TGFBI: variants seen among roughly 807,000 people sequenced by gnomAD.
TGFBI encodes the protein transforming growth factor-beta-induced protein ig-h3.
In TGFBI, 50 loss-of-function variants were observed where a neutral mutation model predicts 73.7. The observed-to-expected ratio is 0.68, with a 90% CI of 0.54 to 0.86. The LOEUF is 0.86. TGFBI is among the 40% of genes least tolerant of loss of function. The pLI, the probability that TGFBI is intolerant of heterozygous loss-of-function variation, is 0.00. For missense variants in TGFBI, 839 were observed against 877.0 expected (o/e 0.96, Z 0.55); for synonymous variants, 362 against 360.5 (o/e 1.00, Z -0.05).
chr5:136,029,831 G>T (rs966695573), intron 1 of TGFBI, among the ~76,000 whole-genome samples: 8 of 152,340 alleles, frequency 5.3e-5, no homozygotes, highest in African/African-American at 1.7e-4. Flanking sequence ...TGAGTCCTGA[G>T]TGGTTCCACT....
In TGFBI at chr5:136,052,954, A is replaced by T; in HGVS notation, c.961A>T (p.Ile321Phe). 6.2e-7 allele frequency: 1 copy of T among 1,614,022 alleles called. No homozygotes were observed. The highest frequency in any genetic ancestry group is 1.1e-5 in the South Asian group (1 of 91,074). The change falls in exon 8 of 17, where the codon ATC (isoleucine) becomes TTC (phenylalanine). Residue 321 changes from isoleucine to phenylalanine, a missense_variant. Physicochemically the swap from Ile to Phe is conservative, Grantham distance 21. Coordinates refer to ENST00000442011, the MANE Select transcript of TGFBI (RefSeq NM_000358.3). ...ILKSAMCAEAIVAGLSVETLE... is the reference protein window; with the variant it reads ...ILKSAMCAEAFVAGLSVETLE... ...GAAGTCAGCTATGTGTGCTGAAGCC[A>T]TCGTTGCGGGGCTGTCTGTAGAGAC...
At chr5:136,043,945 C>A in intron 2 of TGFBI, 113 bp from the exon 3 acceptor site, 1 of 829,788 alleles carries the variant, frequency 1.2e-6, no homozygotes, top group South Asian at 1.5e-5. Context: ...GAGAGTGTTT[C>A]ACCCACCATT....
At chr5:136,037,763 CT>C (rs1444270287) in intron 2 of TGFBI, among the ~76,000 whole-genome samples, 3 of 152,210 alleles carry the variant, frequency 2.0e-5, no homozygotes, top group African/African-American at 7.2e-5. Context: ...ATTAATACTC[CT>C]TCAGCACTGC....
At chr5:136,040,620 T>C (rs1751312956) in intron 2 of TGFBI, among the ~76,000 whole-genome samples, 1 of 152,254 alleles carries the variant, frequency 6.6e-6, no homozygotes, top group Non-Finnish European at 1.5e-5. Flanking sequence ...TGGGGACCGC[T>C]GTCCTAAGGG....
rs372357157 is a variant in TGFBI, at chr5:136,047,257, G to C, written c.625-17G>C. Reference sequence around the variant, plus strand: ...TCTGTTGTGTTGACTGCTCATCCTTGCTGCTTCTCTGGGCAGATTGTAACT... The same window carrying C: ...TCTGTTGTGTTGACTGCTCATCCTTCCTGCTTCTCTGGGCAGATTGTAACT... On this transcript the variant is annotated splice_polypyrimidine_tract_variant and intron_variant, in intron 5 of 16. Coordinates refer to ENST00000442011, the MANE Select transcript of TGFBI (RefSeq NM_000358.3). 71 of 1,612,802 alleles carry C rather than the reference G, an allele frequency of 4.4e-5. No homozygotes were observed. The highest frequency in any genetic ancestry group is 5.8e-5 in the Non-Finnish European group (68 of 1,179,286).
In TGFBI at chr5:136,054,763, CA is replaced by C; in HGVS notation, c.1313del (p.His438ProfsTer2). On this transcript the variant is annotated frameshift_variant, in exon 10 of 17. Transcript: ENST00000442011. LOFTEE classifies it high-confidence loss of function. The stretch of plus-strand genomic sequence containing the variant: ...CCATACAAGGAATTTGCTTCGGAAC[CA>C]CATAATTAAAGACCAGCTGGCCTCT... The part of the protein sequence containing the change: ...DAHTRNLLRN[H>X]IIKDQLASKY... The C allele has an allele frequency of 1.2e-6, 2 of 1,613,918 alleles. No homozygotes were observed. The highest frequency in any genetic ancestry group is 1.7e-6 in the Non-Finnish European group (2 of 1,179,870).
At chr5:136,052,857 G>A (rs766186501) in intron 7 of TGFBI, 50 bp from the exon 8 acceptor site, 2 of 1,575,366 alleles carry the variant, frequency 1.3e-6, no homozygotes, top group Admixed American at 1.7e-5. Context: ...TGGTCCCTGA[G>A]GTTATCGTGG....
rs1751598037 is a variant in TGFBI at position 136,054,801 on chromosome 5, C to T, written c.1350C>T (p.Tyr450=). Residue 450 remains tyrosine (Y), a synonymous_variant, in exon 10 of 17, where the codon TAC becomes TAT. Transcript: ENST00000442011. ...ACCAGCTGGCCTCTAAGTATCTGTA[C>T]CATGGACAGACCCTGGAAACTCTGG... The part of the protein sequence containing the change: ...IKDQLASKYL[Y]HGQTLETLGG... 1 of 1,613,912 alleles carries T rather than the reference C, an allele frequency of 6.2e-7. No homozygotes were observed. Among genetic ancestry groups the T allele is most frequent in the Non-Finnish European group, 8.5e-7 (1 of 1,179,882 alleles).
At position 136,033,835 on chromosome 5, in the gene TGFBI, C is replaced by T; in HGVS notation, c.207C>T (p.Tyr69=). Residue 69 remains tyrosine (Y), a synonymous_variant, in exon 2 of 17, where the codon TAC becomes TAT. Transcript: ENST00000442011. ...ACTTCACCAACTGCAAGCAGTGGTA[C>T]CAAAGGAAAATCTGTGGCAAATCAA... ...RKYFTNCKQW[Y]QRKICGKSTV... The T allele has an allele frequency of 1.2e-6, 2 of 1,613,770 alleles. No individual in the cohort carries two copies. The highest frequency in any genetic ancestry group is 1.7e-6 in the Non-Finnish European group (2 of 1,179,798).
intron 1 of TGFBI, among the ~76,000 whole-genome samples, chr5:136,032,492 T>C (rs1404862666): frequency 6.6e-6 from 1 of 152,230 alleles, no homozygotes; most frequent in East Asian, 1.9e-4. Context: ...TAGTTTTTAC[T>C]GCAATATTGG....
intron 6 of TGFBI, chr5:136,048,463 A>G (rs1751475900): frequency 6.6e-6 from 1 of 152,268 alleles, no homozygotes; most frequent in Admixed American, 6.5e-5. Context: ...TGCCAGGAGT[A>G]TAGAGGTGAA....
In TGFBI at chr5:136,054,932, A is replaced by C. The variant is rs937862808; in HGVS notation, c.1410+71A>C. Reference sequence around the variant, plus strand: ...TGGGACTTGTATTAGTGTAAAAAAAAATGTCCTCAATAAGCAGGAGTTTGC... The same window carrying C: ...TGGGACTTGTATTAGTGTAAAAAAACATGTCCTCAATAAGCAGGAGTTTGC... On this transcript the variant is annotated intron_variant, in intron 10 of 16. Transcript: ENST00000442011. 1.4e-5 allele frequency: 21 copies of C among 1,546,142 alleles called. No homozygotes were observed. The African/African-American group carries it at 1.8e-4, about 13-fold the overall frequency.
intron 3 of TGFBI, among the ~76,000 whole-genome samples, chr5:136,045,156 C>T (rs956887218): frequency 1.3e-5 from 2 of 152,086 alleles, no homozygotes; most frequent in African/African-American, 4.8e-5. Context: ...CCTTTGATTC[C>T]AGCACTTTGG....
At chr5:136,057,668 A>T (rs1008411976) in intron 12 of TGFBI, among the ~76,000 whole-genome samples, 1 of 152,094 alleles carries the variant, frequency 6.6e-6, no homozygotes, top group African/African-American at 2.4e-5. Flanking sequence ...AAGGAAAAGG[A>T]GGAGGAAGAG....
chr5:136,045,547 AAAATAAAT>A (rs148066214), intron 3 of TGFBI, among the ~76,000 whole-genome samples: 1 of 151,954 alleles, frequency 6.6e-6, no homozygotes, highest in African/African-American at 2.4e-5. Context: ...CTCCATCTCA[AAAATAAAT>A]AAATAAATAA....
intron 7 of TGFBI, among the ~76,000 whole-genome samples, chr5:136,050,223 C>T (rs1443974498): frequency 1.3e-5 from 2 of 151,854 alleles, no homozygotes; most frequent in Non-Finnish European, 2.9e-5. Context: ...ATCCCAGTTA[C>T]TCAGGGGCTG....
chr5:136,033,482 T>C (rs1214304403), intron 1 of TGFBI, among the ~76,000 whole-genome samples: 1 of 152,228 alleles, frequency 6.6e-6, no homozygotes, highest in Admixed American at 6.5e-5. Flanking sequence ...TTTACACTTA[T>C]CAATTGCCCA....
Position 136,053,042 on chromosome 5 carries a change from C to A in TGFBI, c.1049C>A (p.Ala350Glu). ...SGDMLTINGK[A>E]IISNKDILAT... ...GACATGCTCACTATCAACGGGAAGG[C>A]GATCATCTCCAATAAAGACATCCTA... The change falls in exon 8 of 17, where the codon GCG (alanine) becomes GAG (glutamate). Residue 350 changes from alanine to glutamate, a missense_variant. By Grantham distance (107) the Ala-to-Glu change is moderately radical. Transcript: ENST00000442011. 3.7e-6 allele frequency: 6 copies of A among 1,614,048 alleles called. No homozygotes were observed. The highest frequency in any genetic ancestry group is 5.1e-6 in the Non-Finnish European group (6 of 1,179,912).
At chr5:136,047,580 C>T (rs1751454372) in intron 6 of TGFBI, 160 bp downstream of exon 6, 2 of 826,064 alleles carry the variant, frequency 2.4e-6, no homozygotes, top group African/African-American at 3.4e-5. Context: ...ATTCATTGAC[C>T]AGACATTCAG....
Sources: gnomAD v4.1 joint callset for allele counts (sites outside exome capture counted in the v4.1 genomes callset) on GRCh38, gnomAD v4.1.1 for gene constraint, MANE v1.5 for transcripts, NCBI Gene and HGNC (gene_info 2026-07-23, HGNC 2026-07-21) for gene names.